ZNF611: variants seen among roughly 807,000 people sequenced by gnomAD.
ZNF611 encodes the protein zinc finger protein 611.
A neutral mutation model predicts 8.9 loss-of-function variants in ZNF611; 6 were observed. The ratio of observed to expected loss-of-function variants is 0.68; its 90% confidence interval spans 0.37 to 1.34. ZNF611 has a LOEUF of 1.34. Among genes scored for constraint, ZNF611 ranks in the 40% most tolerant of loss-of-function variants. The pLI is 0.02. For synonymous variants in ZNF611, 262 were observed against 279.7 expected (o/e 0.94, Z 0.63); for missense variants, 874 against 841.3 (o/e 1.04, Z -0.48).
intron 5 of ZNF611, among the ~76,000 whole-genome samples, chr19:52,709,429 T>C (rs2062265706): frequency 6.6e-6 from 1 of 150,836 alleles, no homozygotes; most frequent in South Asian, 2.1e-4. Flanking sequence ...TGCACCACCA[T>C]GCCCAGATAA....
intron 1 of ZNF611, among the ~76,000 whole-genome samples, chr19:52,731,664 G>C (rs1386980867): frequency 6.6e-6 from 1 of 151,880 alleles, no homozygotes; most frequent in Non-Finnish European, 1.5e-5. Context: ...ACCGTGCCCT[G>C]ATGTCCCTTT....
At chr19:52,725,709 G>C (rs987038751) in intron 3 of ZNF611, among the ~76,000 whole-genome samples, 2 of 152,188 alleles carry the variant, frequency 1.3e-5, no homozygotes, top group African/African-American at 2.4e-5. Flanking sequence ...ATACAAGGCA[G>C]AGCAAAACTC....
chr19:52,729,492 C>CAAAAAAAAA (rs397859789), intron 2 of ZNF611, among the ~76,000 whole-genome samples: 579 of 42,362 alleles, frequency 0.014, 24 homozygotes, highest in East Asian at 0.051. Context: ...GACTCCATCT[C>CAAAAAAAAA]AAAAAAAAAA....
chr19:52,727,972 C>T (rs186033610), intron 3 of ZNF611, among the ~76,000 whole-genome samples: 94 of 141,298 alleles, frequency 6.7e-4, no homozygotes, highest in African/African-American at 2.4e-3. Context: ...TGCAGTGGTG[C>T]AATCTCAGCT....
chr19:52,711,654 A>G (rs568538221), intron 5 of ZNF611, among the ~76,000 whole-genome samples: 12 of 152,332 alleles, frequency 7.9e-5, no homozygotes, highest in Non-Finnish European at 1.5e-5. Context: ...GTGGTTCTGA[A>G]GCCATCCCTC....
chr19:52,704,352 G>C lies in ZNF611; in HGVS notation c.*585C>G, dbSNP rs190684293. ...AGACCTTGCCACACTGATGACATTT[G>C]TAAGATTTCTGTCCAGTATAGATTC... On this transcript the variant is annotated 3_prime_UTR_variant, in exon 6 of 6. Transcript: ENST00000652185. The C allele has an allele frequency of 3.2e-6, 2 of 617,876 alleles. No homozygotes were observed. The highest frequency in any genetic ancestry group is 6.3e-6 in the Non-Finnish European group (2 of 317,364). 38.3% of individuals were successfully genotyped at this position (617,876 alleles called of 1,614,324 possible). A position where few individuals can be genotyped will look rare whatever the true frequency, so the allele number is the denominator to read the frequency against.
At chr19:52,727,809 A>T (rs550360367) in intron 3 of ZNF611, among the ~76,000 whole-genome samples, 1 of 152,134 alleles carries the variant, frequency 6.6e-6, no homozygotes, top group Non-Finnish European at 1.5e-5. Flanking sequence ...CAAGGCTCAG[A>T]ATTATTTACA....
chr19:52,734,635 C>A (rs924422684), intron 1 of ZNF611, among the ~76,000 whole-genome samples: 15 of 151,722 alleles, frequency 9.9e-5, no homozygotes, highest in African/African-American at 3.6e-4. Flanking sequence ...GGGGCTGCGG[C>A]GCGGCGCTCC....
chr19:52,714,613 G>A (rs138056610), intron 4 of ZNF611, among the ~76,000 whole-genome samples: 62 of 150,234 alleles, frequency 4.1e-4, no homozygotes, highest in African/African-American at 1.3e-3. Context: ...ACTTGAACCC[G>A]GGAGATGGAG....
At chr19:52,716,793 A>G (rs1297835014) in intron 3 of ZNF611, among the ~76,000 whole-genome samples, 2 of 152,202 alleles carry the variant, frequency 1.3e-5, no homozygotes, top group African/African-American at 4.8e-5. Flanking sequence ...ACAGTGGCTC[A>G]GGACTGTAAT....
intron 1 of ZNF611, among the ~76,000 whole-genome samples, chr19:52,732,661 G>A (rs370729776): frequency 4.0e-4 from 60 of 151,666 alleles, no homozygotes; most frequent in African/African-American, 1.4e-3. Flanking sequence ...GGCCAGACAC[G>A]GTGGCTCCTC....
chr19:52,712,947 A>G (rs1039478855), intron 5 of ZNF611, among the ~76,000 whole-genome samples: 3 of 152,194 alleles, frequency 2.0e-5, no homozygotes, highest in African/African-American at 7.2e-5. Context: ...TAATCCCAGC[A>G]CTTTGGGAAT....
chr19:52,715,728 G>C, intron 4 of ZNF611, 104 bp downstream of exon 4: 2 of 1,547,618 alleles, frequency 1.3e-6, no homozygotes, highest in Admixed American at 1.8e-5. Context: ...GCGAGTGAAC[G>C]TGTCAGACAA....
At chr19:52,711,301 C>A (rs977460233) in intron 5 of ZNF611, 3 of 151,824 alleles carry the variant, frequency 2.0e-5, no homozygotes, top group Non-Finnish European at 4.4e-5. Context: ...CATTGCACTT[C>A]AGCCTGGGAA....
At chr19:52,717,750 A>G (rs1464774536) in intron 3 of ZNF611, 32 of 937,250 alleles carry the variant, frequency 3.4e-5, no homozygotes, top group Non-Finnish European at 4.1e-5. Flanking sequence ...AGAAGCTCAC[A>G]GATCACCATT....
intron 3 of ZNF611, chr19:52,724,200 G>A (rs901610671): frequency 6.6e-6 from 1 of 152,346 alleles, no homozygotes; most frequent in African/African-American, 2.4e-5. Flanking sequence ...TCTCAGTGGA[G>A]AGAAACCTTG....
chr19:52,722,818 C>G (rs983141112), intron 3 of ZNF611, among the ~76,000 whole-genome samples: 15 of 152,154 alleles, frequency 9.9e-5, no homozygotes, highest in African/African-American at 3.1e-4. Context: ...GCAGCCTGGA[C>G]CTCCTGGGCT....
At chr19:52,733,273 C>T (rs1203529980) in intron 1 of ZNF611, among the ~76,000 whole-genome samples, 2 of 152,170 alleles carry the variant, frequency 1.3e-5, no homozygotes, top group Admixed American at 1.3e-4. Flanking sequence ...CCAATGAACT[C>T]ACCCACTCAT....
At chr19:52,707,767 T>G (rs1326299482) in intron 5 of ZNF611, among the ~76,000 whole-genome samples, 1 of 151,872 alleles carries the variant, frequency 6.6e-6, no homozygotes, top group Non-Finnish European at 1.5e-5. Context: ...CCAGAGTAGC[T>G]TGGACTACAG....
Sources: gnomAD v4.1 joint callset for allele counts (sites outside exome capture counted in the v4.1 genomes callset) on GRCh38, gnomAD v4.1.1 for gene constraint, MANE v1.5 for transcripts, NCBI Gene and HGNC (gene_info 2026-07-23, HGNC 2026-07-21) for gene names.